The following NXPE3 variants were observed in gnomAD, a reference collection of about 807,000 sequenced individuals.
The protein encoded by NXPE3 is neurexophilin and PC-esterase domain family member 3.
Under a neutral mutation model 46.1 loss-of-function variants are expected in NXPE3, and 26 were observed. The observed-to-expected ratio is 0.56, with a 90% CI of 0.41 to 0.78. NXPE3 has a LOEUF of 0.78. Among genes scored for constraint, NXPE3 ranks in the 30% least tolerant of loss-of-function variants. The pLI is 0.00. For synonymous variants in NXPE3, 272 were observed against 257.9 expected (o/e 1.05, Z -0.52); for missense variants, 620 against 686.0 (o/e 0.90, Z 1.07).
At position 101,827,785 on chromosome 3, in the gene NXPE3, GA is replaced by G. The variant is rs1469369138; in HGVS notation, c.*5839del. ...TTGGTCTGGGAATTTCCAGTGTGCA[GA>G]AAAAAAATCCACAAATCTAGGCCTC... On this transcript the variant is annotated 3_prime_UTR_variant, in exon 8 of 8. Coordinates refer to ENST00000273347, the MANE Select transcript of NXPE3 (RefSeq NM_145037.4). Among the ~76,000 whole-genome samples, 2 of 152,128 alleles carry G rather than the reference GA, an allele frequency of 1.3e-5. No individual in the cohort carries two copies. Among genetic ancestry groups the G allele is most frequent in the South Asian group, 2.1e-4 (1 of 4,814 alleles).
Position 101,825,305 on chromosome 3 carries a change from G to C in NXPE3, c.*3351G>C, listed in dbSNP as rs1314953847. 1 of 152,204 alleles carries C rather than the reference G, an allele frequency of 6.6e-6. No individual in the cohort carries two copies. The highest frequency in any genetic ancestry group is 1.9e-4 in the East Asian group (1 of 5,204). 9.4% of individuals were successfully genotyped at this position (152,204 alleles called of 1,614,324 possible). ...ACTCTGGTGTGGAAATTTTGATAGA[G>C]ATTCCAATATCACTTAAACGTTTCC... On this transcript the variant is annotated 3_prime_UTR_variant, in exon 8 of 8. Coordinates refer to ENST00000273347, the MANE Select transcript of NXPE3 (RefSeq NM_145037.4).
At position 101,801,270 on chromosome 3, in the gene NXPE3, C is replaced by T. The variant is rs751723495; in HGVS notation, c.129C>T (p.Ile43=). Residue 43 remains isoleucine (I), a synonymous_variant, in exon 5 of 8, where the codon ATC becomes ATT. Transcript: ENST00000273347. ...LDHETVSATF[I]DSSGQFVSSQ... ...ATGAGACTGTTTCAGCCACTTTCAT[C>T]GACAGCAGTGGACAGTTTGTTTCCT... 2.7e-5 allele frequency: 43 copies of T among 1,613,126 alleles called. No individual in the cohort carries two copies. Among genetic ancestry groups the T allele is most frequent in the Admixed American group, 2.5e-4 (15 of 59,906 alleles).
chr3:101,821,876 C>T lies in NXPE3; in HGVS notation c.1602C>T (p.His534=). The T allele has an allele frequency of 2.5e-6, 4 of 1,614,182 alleles. No individual in the cohort carries two copies. The highest frequency in any genetic ancestry group is 3.4e-6 in the Non-Finnish European group (4 of 1,180,030). Residue 534 remains histidine, a synonymous_variant, in exon 8 of 8, where the codon CAC becomes CAT. Transcript: ENST00000273347. ...WEMTLAHYLP[H]KLHPDEVIVK... ...TGACCCTGGCCCATTATCTACCGCA[C>T]AAGCTGCATCCAGATGAAGTTATTG...
chr3:101,810,314 G>A (rs1158813745), intron 6 of NXPE3, among the ~76,000 whole-genome samples: 1 of 152,188 alleles, frequency 6.6e-6, no homozygotes. Flanking sequence ...AACTTACTGA[G>A]AGTTTAGAAT....
intron 4 of NXPE3, among the ~76,000 whole-genome samples, chr3:101,800,377 C>T (rs1385537985): frequency 1.3e-5 from 2 of 152,030 alleles, no homozygotes; most frequent in African/African-American, 4.8e-5. Context: ...AGTTTAATTT[C>T]ATTATGGCTT....
At chr3:101,814,868 T>C (rs623753) in intron 6 of NXPE3, among the ~76,000 whole-genome samples, 137,954 of 152,252 alleles carry the variant, frequency 0.91, 62,613 homozygotes, top group East Asian at 1. Context: ...GTTAAGATCA[T>C]GGGCTTTGGG....
At chr3:101,786,183 C>A (rs1461745642) in intron 4 of NXPE3, among the ~76,000 whole-genome samples, 1 of 152,160 alleles carries the variant, frequency 6.6e-6, no homozygotes, top group Non-Finnish European at 1.5e-5. Context: ...GAATCCCTCA[C>A]AAGGGCCTGT....
intron 6 of NXPE3, among the ~76,000 whole-genome samples, chr3:101,816,248 C>T (rs1460912301): frequency 6.6e-6 from 1 of 151,830 alleles, no homozygotes; most frequent in Admixed American, 6.6e-5. Flanking sequence ...TTCAGATCTT[C>T]CCATTTTTGT....
intron 6 of NXPE3, among the ~76,000 whole-genome samples, chr3:101,816,430 C>T (rs1251720483): frequency 6.6e-6 from 1 of 152,030 alleles, no homozygotes; most frequent in African/African-American, 2.4e-5. Flanking sequence ...TTCCCCCCAA[C>T]CCCCCGACAG....
intron 5 of NXPE3, among the ~76,000 whole-genome samples, chr3:101,802,610 G>A (rs1941224358): frequency 6.6e-6 from 1 of 151,848 alleles, no homozygotes; most frequent in Non-Finnish European, 1.5e-5. Context: ...CTATGAATAT[G>A]GCAACATTGC....
At position 101,801,730 on chromosome 3, in the gene NXPE3, C is replaced by A. The variant is rs1171484138; in HGVS notation, c.589C>A (p.Leu197Ile). The change falls in exon 5 of 8, where the codon CTT becomes ATT. Residue 197 changes from leucine (L) to isoleucine (I), a missense_variant. Coordinates refer to ENST00000273347, the MANE Select transcript of NXPE3 (RefSeq NM_145037.4). ...LVHPSEGIRV[L>I]QRLQEDKPDR... ...CCACCCCAGTGAAGGGATCAGAGTT[C>A]TTCAGCGCTTACAGGAAGATAAACC... 6.2e-7 allele frequency: 1 copy of A among 1,614,194 alleles called. No homozygotes were observed. The highest frequency in any genetic ancestry group is 2.2e-5 in the East Asian group (1 of 44,890).
At chr3:101,820,719 G>A (rs1382807284) in intron 7 of NXPE3, among the ~76,000 whole-genome samples, 2 of 152,220 alleles carry the variant, frequency 1.3e-5, no homozygotes, top group African/African-American at 4.8e-5. Context: ...AATATCTTTT[G>A]TGGGAGCATG....
chr3:101,791,173 C>G (rs1940496809), intron 4 of NXPE3, among the ~76,000 whole-genome samples: 1 of 152,162 alleles, frequency 6.6e-6, no homozygotes, highest in Non-Finnish European at 1.5e-5. Context: ...TTAGTTCCCA[C>G]TTACAAGTGA....
At chr3:101,784,892 G>A (rs1055392111) in intron 3 of NXPE3, among the ~76,000 whole-genome samples, 20 of 152,062 alleles carry the variant, frequency 1.3e-4, no homozygotes, top group African/African-American at 4.3e-4. Context: ...AGAGTGTGTC[G>A]CGTCTCCTGC....
At chr3:101,790,361 A>C (rs187313628) in intron 4 of NXPE3, among the ~76,000 whole-genome samples, 13 of 152,182 alleles carry the variant, frequency 8.5e-5, no homozygotes, top group Non-Finnish European at 1.9e-4. Context: ...TGTCTATTTC[A>C]CCTTGCATTT....
chr3:101,803,089 T>C lies in NXPE3; in HGVS notation c.848+1100T>C, dbSNP rs114802005. On this transcript the variant is annotated intron_variant, in intron 5 of 7. Transcript: ENST00000273347. Reference sequence around the variant, plus strand: ...GAATGTATACATGTTTTTTACTTTTTAGTGAAATATATTGTTTTTAAACAT... The same window carrying C: ...GAATGTATACATGTTTTTTACTTTTCAGTGAAATATATTGTTTTTAAACAT... Among the ~76,000 whole-genome samples the C allele has an allele frequency of 2.3e-3, 345 of 152,354 alleles. 2 individuals carry two copies. Among genetic ancestry groups the C allele is most frequent in the African/African-American group, 7.7e-3 (320 of 41,584 alleles).
At chr3:101,789,023 C>T (rs1940352803) in intron 4 of NXPE3, among the ~76,000 whole-genome samples, 1 of 152,150 alleles carries the variant, frequency 6.6e-6, no homozygotes, top group Non-Finnish European at 1.5e-5. Flanking sequence ...CCTGATCACT[C>T]TGACCAGAGA....
intron 4 of NXPE3, among the ~76,000 whole-genome samples, chr3:101,795,340 G>A (rs997079124): frequency 3.9e-5 from 6 of 152,102 alleles, no homozygotes; most frequent in South Asian, 2.1e-4. Context: ...CCGACATGGC[G>A]AAACCCCCGT....
intron 6 of NXPE3, among the ~76,000 whole-genome samples, chr3:101,813,212 C>T (rs1941806591): frequency 6.6e-6 from 1 of 152,180 alleles, no homozygotes; most frequent in Non-Finnish European, 1.5e-5. Flanking sequence ...ATTGGTTGAT[C>T]CCATTTCTTC....
Sources: allele counts gnomAD v4.1 joint callset (sites outside exome capture counted in the v4.1 genomes callset), GRCh38; gene constraint gnomAD v4.1.1; transcripts MANE v1.5; gene names NCBI Gene and HGNC (gene_info 2026-07-23, HGNC 2026-07-21).